MYH1: variants seen among roughly 807,000 people sequenced by gnomAD.
MYH1 encodes myosin-1.
A neutral mutation model predicts 225.6 loss-of-function variants in MYH1; 214 were observed. That is an observed-to-expected ratio of 0.95 (90% CI 0.85 to 1.06). The LOEUF (loss-of-function observed/expected upper bound fraction) is 1.06. Among genes scored for constraint, MYH1 ranks in the 50% least tolerant of loss-of-function variants. The probability of loss-of-function intolerance (pLI) is 0.00; values close to 1 mark genes in which losing one functional copy is unlikely to be tolerated. For synonymous variants in MYH1, 774 were observed against 842.3 expected (o/e 0.92, Z 1.40); for missense variants, 2,098 against 2,344.2 (o/e 0.89, Z 2.17).
chr17:10,512,804 G>A lies in MYH1; in HGVS notation c.905-20C>T, dbSNP rs1209751451. The A allele has an allele frequency of 6.2e-7, 1 of 1,610,780 alleles. No homozygotes were observed. The highest frequency in any genetic ancestry group is 1.1e-5 in the South Asian group (1 of 90,996). On this transcript the variant is annotated intron_variant, in intron 10 of 39. Coordinates refer to ENST00000226207, the MANE Select transcript of MYH1 (RefSeq NM_005963.4). ...GCATTTCTGGGTCACAGAATTCAGG[G>A]CATATGTTTTACATTAGAAGATAGT...
In MYH1 at chr17:10,512,940, A is replaced by G. The variant is rs776744871; in HGVS notation, c.831T>C (p.Thr277=). The change falls in exon 10 of 40, where the codon ACT becomes ACC. Residue 277 remains threonine (T), a synonymous_variant. Coordinates refer to ENST00000226207, the MANE Select transcript of MYH1 (RefSeq NM_005963.4). ...AGCTTCTTTCAGCCTTTAGCTGGAA[A>G]GTAACTCTAGACTTCTCCAGAAGAT... is the stretch of plus-strand genomic sequence containing the variant. The part of the protein sequence containing the change: ...ETYLLEKSRV[T]FQLKAERSYH... 3.7e-6 allele frequency: 6 copies of G among 1,613,422 alleles called. No homozygotes were observed. In the East Asian group the frequency reaches 1.3e-4, roughly 36 times the overall value.
chr17:10,516,687 G>C lies in MYH1; in HGVS notation c.-40-5C>G, dbSNP rs763232638. ...TAGCCCAGTTAAGGACCCTGGCTGG[G>C]AGAGGAAGAAAAGAAATTGTAGAAA... On this transcript the variant is annotated splice_polypyrimidine_tract_variant and splice_region_variant and intron_variant, in intron 2 of 39. Transcript: ENST00000226207. 4.4e-6 allele frequency: 7 copies of C among 1,602,658 alleles called. No homozygotes were observed. Among genetic ancestry groups the C allele is most frequent in the Admixed American group, 1.7e-5 (1 of 58,162 alleles).
intron 6 of MYH1, 64 bp from the exon 7 acceptor site, chr17:10,514,188 G>A: frequency 6.4e-7 from 1 of 1,565,704 alleles, no homozygotes; most frequent in East Asian, 2.2e-5. Flanking sequence ...ACTACCTCAT[G>A]GCTTTGTCTT....
intron 19 of MYH1, 28 bp from the exon 20 acceptor site, chr17:10,505,539 T>A: frequency 6.2e-7 from 1 of 1,609,410 alleles, no homozygotes. Context: ...AAAAATGATA[T>A]GGCTGTTGCC....
At chr17:10,497,005 C>G in intron 33 of MYH1, 64 bp downstream of exon 33, 1 of 1,563,692 alleles carries the variant, frequency 6.4e-7, no homozygotes, top group South Asian at 1.2e-5. Context: ...ATTCACCATT[C>G]CTTACATTTA....
Position 10,496,259 on chromosome 17 carries a change from G to A in MYH1, c.4947C>T (p.Asn1649=). The change falls in exon 34 of 40, where the codon AAC becomes AAT. Residue 1649 remains asparagine (N), a synonymous_variant. Transcript: ENST00000226207. ...TATTTACCTTGAGGATGGCTTGGGT[G>A]TTCCTATAGTTCCTCAGGGCCTCAG... The part of the protein sequence containing the change: ...MAAEALRNYR[N]TQAILKDTQL... 5.6e-6 allele frequency: 9 copies of A among 1,614,162 alleles called. No homozygotes were observed. The highest frequency in any genetic ancestry group is 7.6e-6 in the Non-Finnish European group (9 of 1,180,024).
chr17:10,508,285 C>T (rs2073135593), intron 16 of MYH1, 78 bp downstream of exon 16: 2 of 1,480,018 alleles, frequency 1.4e-6, no homozygotes, highest in Non-Finnish European at 9.1e-7. Flanking sequence ...TCCCAAAATG[C>T]TGGGATTACA....
At position 10,516,043 on chromosome 17, in the gene MYH1, T is replaced by G; in HGVS notation, c.388A>C (p.Lys130Gln). The G allele has an allele frequency of 6.2e-7, 1 of 1,614,150 alleles. No individual in the cohort carries two copies. The highest frequency in any genetic ancestry group is 8.5e-7 in the Non-Finnish European group (1 of 1,180,014). ...GLFCVTVNPY[K>Q]WLPVYNAEVV... ...TCTGCATTATACACTGGCAACCACT[T>G]GTAGGGGTTGACAGTGACACAGAAC... The change falls in exon 5 of 40, where the codon AAG (lysine) becomes CAG (glutamine). Residue 130 changes from lysine (K) to glutamine (Q), a missense_variant. By Grantham distance (53) the Lys-to-Gln change is moderately conservative (BLOSUM62 1). Coordinates refer to ENST00000226207, the MANE Select transcript of MYH1 (RefSeq NM_005963.4).
In MYH1 at chr17:10,508,672, G is replaced by C; in HGVS notation, c.1588C>G (p.Pro530Ala). ...LAACIELIEK[P>A]MGIFSILEEE... Reference sequence around the variant, plus strand: ...TCCAGGATGGAGAAGATGCCCATAGGCTGGAAGAATGAAAAGAAATAAATG... The same window carrying C: ...TCCAGGATGGAGAAGATGCCCATAGCCTGGAAGAATGAAAAGAAATAAATG... The change falls in exon 16 of 40, where the codon CCT becomes GCT. Residue 530 changes from proline (P) to alanine (A), a missense_variant and splice_region_variant. Pro to Ala is a conservative substitution (Grantham distance 27, BLOSUM62 -1). Transcript: ENST00000226207. 1 of 1,613,416 alleles carries C rather than the reference G, an allele frequency of 6.2e-7. No homozygotes were observed. The highest frequency in any genetic ancestry group is 8.5e-7 in the Non-Finnish European group (1 of 1,179,742).
At position 10,498,727 on chromosome 17, in the gene MYH1, C is replaced by T. The variant is rs780667811; in HGVS notation, c.4080G>A (p.Glu1360=). The change falls in exon 30 of 40, where the codon GAG becomes GAA. Residue 1360 remains glutamate (E), a synonymous_variant. Transcript: ENST00000226207. ...TGGCCTTGGACATTGCTCTCTGTAG[C>T]TCGGCCTTGGCTTCCTGCTCCTCCT... ...QYEEEQEAKA[E]LQRAMSKANS... is the part of the protein sequence containing the mutation. 2.5e-6 allele frequency: 4 copies of T among 1,614,024 alleles called. No homozygotes were observed. The Admixed American group carries it at 6.7e-5, about 27-fold the overall frequency.
rs372571825 is a variant in MYH1, at chr17:10,508,371, G to A, written c.1889C>T (p.Ala630Val). ...LALLFVGATG[A>V]EAEAGGGKKG... ...ATTATATTGATAATTACCTGCTTCC[G>A]CTCCCGTTGCCCCAACAAAGAGGAG... Residue 630 changes from alanine to valine, a missense_variant, in exon 16 of 40, where the codon GCG becomes GTG. By Grantham distance (64) the Ala-to-Val change is moderately conservative. Transcript: ENST00000226207. 130 of 1,597,734 alleles carry A rather than the reference G, an allele frequency of 8.1e-5. No homozygotes were observed. In the Middle Eastern group the frequency reaches 8.4e-4, roughly 10 times the overall value.
At chr17:10,510,149 GT>G (rs573059536) in intron 14 of MYH1, among the ~76,000 whole-genome samples, 108 of 149,398 alleles carry the variant, frequency 7.2e-4, no homozygotes, top group African/African-American at 2.2e-3. Context: ...GAACTTAAAA[GT>G]TTTTTTTTTA....
intron 37 of MYH1, 100 bp downstream of exon 37, chr17:10,494,831 C>G: frequency 6.2e-7 from 1 of 1,603,926 alleles, no homozygotes; most frequent in South Asian, 1.1e-5. Context: ...ATAGCTCTCC[C>G]TCATCTCAGT....
At chr17:10,502,096 G>A (rs1044079961) in intron 24 of MYH1, among the ~76,000 whole-genome samples, 185 bp from the exon 25 acceptor site, 12 of 152,216 alleles carry the variant, frequency 7.9e-5, no homozygotes, top group African/African-American at 2.9e-4. Flanking sequence ...AAGGTAAAAT[G>A]TGCCTCTTTG....
At chr17:10,518,443 G>GA (rs2073251015) in intron 1 of MYH1, 77 bp downstream of exon 1, 1 of 152,192 alleles carries the variant, frequency 6.6e-6, no homozygotes, top group Non-Finnish European at 1.5e-5. Flanking sequence ...TGGGAGCCAG[G>GA]ATGTGTGGCA....
At chr17:10,516,122 G>T (rs1001801712) in intron 4 of MYH1, 40 bp from the exon 5 acceptor site, 8 of 1,613,150 alleles carry the variant, frequency 5.0e-6, no homozygotes, top group Non-Finnish European at 6.8e-6. Context: ...ATTATTTGAT[G>T]GGGACCTTAA....
At position 10,508,437 on chromosome 17, in the gene MYH1, A is replaced by G. The variant is rs551729377; in HGVS notation, c.1823T>C (p.Val608Ala). ...DKNKDPLNET[V>A]VGLYQKSAMK... ...TGCAGACTTCTGGTACAGCCCCACC[A>G]CAGTCTCATTCAGGGGGTCCTTGTT... is the stretch of plus-strand genomic sequence containing the variant. The change falls in exon 16 of 40, where the codon GTG becomes GCG. Residue 608 changes from valine (V) to alanine (A), a missense_variant. By Grantham distance (64) the Val-to-Ala change is moderately conservative. Transcript: ENST00000226207. 2 of 1,614,126 alleles carry G rather than the reference A, an allele frequency of 1.2e-6. No individual in the cohort carries two copies. The highest frequency in any genetic ancestry group is 1.3e-5 in the African/African-American group (1 of 75,026).
At position 10,513,705 on chromosome 17, in the gene MYH1, A is replaced by G. The variant is rs751982477; in HGVS notation, c.742-16T>C. Reference sequence around the variant, plus strand: ...TGAATTTACCCTTGTAAGTAAAAAAAATGATGTTATACCCAAAGCTTGAAG... The same window carrying G: ...TGAATTTACCCTTGTAAGTAAAAAAGATGATGTTATACCCAAAGCTTGAAG... On this transcript the variant is annotated splice_polypyrimidine_tract_variant and intron_variant, in intron 8 of 39. Transcript: ENST00000226207. 8 of 1,613,850 alleles carry G rather than the reference A, an allele frequency of 5.0e-6. No individual in the cohort carries two copies. Among genetic ancestry groups the G allele is most frequent in the Non-Finnish European group, 6.8e-6 (8 of 1,179,840 alleles).
At position 10,504,944 on chromosome 17, in the gene MYH1, T is replaced by C; in HGVS notation, c.2557A>G (p.Met853Val). The C allele has an allele frequency of 6.2e-7, 1 of 1,614,118 alleles. No homozygotes were observed. The highest frequency in any genetic ancestry group is 8.5e-7 in the Non-Finnish European group (1 of 1,180,026). The change falls in exon 22 of 40, where the codon ATG becomes GTG. Residue 853 changes from methionine (M) to valine (V), a missense_variant. Transcript: ENST00000226207. ...TCAAATTCTTCCTTCATGTTGGCCA[T>C]CTCCTTCTCTGTCTCTGCACTTTTG... ...LLKSAETEKE[M>V]ANMKEEFEKT...
Sources: gnomAD v4.1 joint callset for allele counts (sites outside exome capture counted in the v4.1 genomes callset) on GRCh38, gnomAD v4.1.1 for gene constraint, MANE v1.5 for transcripts, NCBI Gene and HGNC (gene_info 2026-07-23, HGNC 2026-07-21) for gene names.